Variants in ALDH8A1 observed in about 807,000 individuals in gnomAD.
The protein encoded by ALDH8A1 is 2-aminomuconic semialdehyde dehydrogenase.
ALDH8A1 carries 39 observed loss-of-function variants against 43.3 expected under a neutral mutation model. The observed-to-expected ratio is 0.90, with a 90% confidence interval of 0.70 to 1.18. The LOEUF (loss-of-function observed/expected upper bound fraction) is 1.18. Among genes scored for constraint, ALDH8A1 ranks in the 50% most tolerant of loss-of-function variants. ALDH8A1 has a pLI of 0.00. For missense variants in ALDH8A1, 605 were observed against 622.6 expected (o/e 0.97, Z 0.30); for synonymous variants, 233 against 243.5 (o/e 0.96, Z 0.40).
chr6:134,938,077 G>A (rs1326589230), intron 4 of ALDH8A1, among the ~76,000 whole-genome samples: 1 of 152,194 alleles, frequency 6.6e-6, no homozygotes, highest in South Asian at 2.1e-4. Context: ...AAGGTGTTCC[G>A]AAGCGGGAGA....
chr6:134,931,775 A>G (rs545787804), intron 5 of ALDH8A1, among the ~76,000 whole-genome samples: 28 of 152,398 alleles, frequency 1.8e-4, no homozygotes, highest in Middle Eastern at 6.8e-3. Context: ...CAAGAGTTAC[A>G]GTGAGAGAAA....
chr6:134,943,420 G>T (rs1035784295), intron 2 of ALDH8A1, among the ~76,000 whole-genome samples: 1 of 152,160 alleles, frequency 6.6e-6, no homozygotes, highest in African/African-American at 2.4e-5. Flanking sequence ...TAAATAATCT[G>T]ACTGCATAAC....
intron 1 of ALDH8A1, among the ~76,000 whole-genome samples, chr6:134,946,277 G>T (rs996003037): frequency 6.6e-6 from 1 of 152,138 alleles, no homozygotes; most frequent in African/African-American, 2.4e-5. Context: ...ACAGGATAGG[G>T]GAAGAGATGG....
intron 6 of ALDH8A1, among the ~76,000 whole-genome samples, chr6:134,923,511 T>C (rs1241763030): frequency 6.6e-6 from 1 of 152,184 alleles, no homozygotes; most frequent in East Asian, 1.9e-4. Flanking sequence ...AAGTGATCCA[T>C]GGCACCTAAG....
chr6:134,947,096 T>A (rs894011972), intron 1 of ALDH8A1, among the ~76,000 whole-genome samples: 2 of 152,196 alleles, frequency 1.3e-5, no homozygotes, highest in African/African-American at 4.8e-5. Flanking sequence ...GCCAACTCGT[T>A]TTTTACAAAG....
In ALDH8A1 at chr6:134,939,359, G is replaced by T. The variant is rs1299311529; in HGVS notation, c.499C>A (p.Pro167Thr). The T allele has an allele frequency of 4.3e-6, 7 of 1,614,186 alleles. No homozygotes were observed. In the East Asian group the frequency reaches 1.3e-4, roughly 31 times the overall value. The change falls in exon 4 of 7, where the codon CCA (proline) becomes ACA (threonine). Residue 167 changes from proline to threonine, a missense_variant. By Grantham distance (38) the Pro-to-Thr change is conservative. Transcript: ENST00000265605. ...ACAGTGTTCCCTGCAGCCATCGCTG[G>T]AGCTATCTTCCAGGTCAGCAAGTAG... ...PLYLLTWKIA[P>T]AMAAGNTVIA...
At chr6:134,928,995 C>T (rs1562253272) in intron 6 of ALDH8A1, 59 bp downstream of exon 6, 16 of 1,579,874 alleles carry the variant, frequency 1.0e-5, no homozygotes, top group South Asian at 5.8e-5. Context: ...TATGCCTGTA[C>T]TGAGCTTCTC....
intron 3 of ALDH8A1, among the ~76,000 whole-genome samples, chr6:134,941,716 G>A (rs1773858232): frequency 6.6e-6 from 1 of 151,644 alleles, no homozygotes; most frequent in Non-Finnish European, 1.5e-5. Flanking sequence ...GTAGAGACGG[G>A]GTTTCACCAT....
chr6:134,935,195 G>A (rs140216622), intron 4 of ALDH8A1, among the ~76,000 whole-genome samples: 17 of 152,268 alleles, frequency 1.1e-4, no homozygotes, highest in South Asian at 6.2e-4. Flanking sequence ...TGATTCTTCA[G>A]TTGATAGCAC....
intron 1 of ALDH8A1, among the ~76,000 whole-genome samples, chr6:134,944,470 CAAAG>C (rs1386346744): frequency 6.6e-6 from 1 of 152,158 alleles, no homozygotes; most frequent in African/African-American, 2.4e-5. Flanking sequence ...ACCATAGAAA[CAAAG>C]AAACGCGCTC....
At chr6:134,922,228 TCAGA>T (rs1316291232) in intron 6 of ALDH8A1, among the ~76,000 whole-genome samples, 2 of 152,080 alleles carry the variant, frequency 1.3e-5, no homozygotes, top group Non-Finnish European at 1.5e-5. Context: ...GTGGGAGGGA[TCAGA>T]CAGAGAGGAC....
rs536504709 is a variant in ALDH8A1, at chr6:134,918,688, C to G, written c.1191G>C (p.Thr397=). 6.2e-7 allele frequency: 1 copy of G among 1,614,206 alleles called. No individual in the cohort carries two copies. Among genetic ancestry groups the G allele is most frequent in the Non-Finnish European group, 8.5e-7 (1 of 1,180,036 alleles). ...CTTCACTATCAAAGGGGACGACACA[C>G]GTCACTGGACCAAATATCTCTTCCG... ...CMTEEIFGPV[T]CVVPFDSEEE... The change falls in exon 7 of 7, where the codon ACG becomes ACC. Residue 397 remains threonine, a synonymous_variant. Coordinates refer to ENST00000265605, the MANE Select transcript of ALDH8A1 (RefSeq NM_022568.4).
At position 134,939,315 on chromosome 6, in the gene ALDH8A1, C is replaced by G. The variant is rs1441251615; in HGVS notation, c.543G>C (p.Glu181Asp). The stretch of plus-strand genomic sequence containing the variant: ...ACATCCACGCAGTCACTGAAGTCAG[C>G]TCACTGGGCTTGGCTATCACAGTGT... ...AGNTVIAKPS[E>D]LTSVTAWMLC... The change falls in exon 4 of 7, where the codon GAG becomes GAC. Residue 181 changes from glutamate to aspartate, a missense_variant. Coordinates refer to ENST00000265605, the MANE Select transcript of ALDH8A1 (RefSeq NM_022568.4). The G allele has an allele frequency of 5.0e-6, 8 of 1,614,244 alleles. No homozygotes were observed. Among genetic ancestry groups the G allele is most frequent in the Non-Finnish European group, 6.8e-6 (8 of 1,180,040 alleles).
intron 4 of ALDH8A1, among the ~76,000 whole-genome samples, chr6:134,934,735 A>C (rs1430319104): frequency 6.6e-6 from 1 of 152,224 alleles, no homozygotes; most frequent in Non-Finnish European, 1.5e-5. Context: ...GTGAGCCGAG[A>C]TGGTGCCACT....
intron 3 of ALDH8A1, among the ~76,000 whole-genome samples, chr6:134,939,862 T>G (rs1016223156): frequency 3.3e-5 from 5 of 152,162 alleles, no homozygotes; most frequent in Admixed American, 6.5e-5. Context: ...GAATATGTGG[T>G]ACATATACAC....
chr6:134,947,763 CA>C lies in ALDH8A1; in HGVS notation c.138+2152del, dbSNP rs897522496. Among the ~76,000 whole-genome samples the C allele has an allele frequency of 4.5e-3, 607 of 134,372 alleles. 4 individuals carry two copies. Among genetic ancestry groups the C allele is most frequent in the African/African-American group, 0.015 (542 of 36,220 alleles). 88.2% of individuals were successfully genotyped at this position (134,372 alleles called of 152,430 possible). The stretch of plus-strand genomic sequence containing the variant: ...GAAATAAAAAAGGCTGGTGAAGCTG[CA>C]AAAAAAAAGGGAAGACAAATACAGT... On this transcript the variant is annotated intron_variant, in intron 1 of 6. Transcript: ENST00000265605.
rs544719471 is a variant in ALDH8A1 at position 134,945,913 on chromosome 6, T to C, written c.139-1947A>G. ...AGGAAAGTGATTGGTTTGTGGGGGC[T>C]ATTTTCATGATAGTGAGTGAATTCT... On this transcript the variant is annotated intron_variant, in intron 1 of 6. Coordinates refer to ENST00000265605, the MANE Select transcript of ALDH8A1 (RefSeq NM_022568.4). Among the ~76,000 whole-genome samples the C allele has an allele frequency of 2.0e-5, 3 of 152,326 alleles. No individual in the cohort carries two copies. The South Asian group carries it at 6.2e-4, about 32-fold the overall frequency.
At chr6:134,929,293 G>C in intron 5 of ALDH8A1, 78 bp from the exon 6 acceptor site, 1 of 1,502,128 alleles carries the variant, frequency 6.7e-7, no homozygotes, top group South Asian at 1.3e-5. Flanking sequence ...TTGAGTACCT[G>C]CCATGTATCA....
chr6:134,931,122 T>C (rs1021606056), intron 5 of ALDH8A1, among the ~76,000 whole-genome samples: 3 of 152,170 alleles, frequency 2.0e-5, no homozygotes, highest in African/African-American at 7.2e-5. Context: ...AGCCAATTAG[T>C]TAGGCGTATG....
Sources: allele counts gnomAD v4.1 joint callset (sites outside exome capture counted in the v4.1 genomes callset), GRCh38; gene constraint gnomAD v4.1.1; transcripts MANE v1.5; gene names NCBI Gene and HGNC (gene_info 2026-07-23, HGNC 2026-07-21).